Variants in LRRC46 observed in about 807,000 individuals in gnomAD.
The protein encoded by LRRC46 is leucine-rich repeat-containing protein 46.
Under a neutral mutation model 28.0 loss-of-function variants are expected in LRRC46, and 20 were observed. The ratio of observed to expected loss-of-function variants is 0.71; its 90% CI spans 0.50 to 1.04. The LOEUF (loss-of-function observed/expected upper bound fraction) is 1.04. Ranked by LOEUF, LRRC46 falls within the 50% of genes least tolerant of loss-of-function variation. The pLI, the probability that LRRC46 is intolerant of heterozygous loss-of-function variation, is 0.00. For missense variants in LRRC46, 315 were observed against 390.1 expected (o/e 0.81, Z 1.62); for synonymous variants, 156 against 158.8 (o/e 0.98, Z 0.13).
chr17:47,833,639 A>T (rs745541243), intron 2 of LRRC46, among the ~76,000 whole-genome samples: 1 of 150,836 alleles, frequency 6.6e-6, no homozygotes, highest in African/African-American at 2.4e-5. Flanking sequence ...TTTAGTAGAG[A>T]TGGGGTTTCA....
At chr17:47,833,566 A>G (rs901219279) in intron 2 of LRRC46, among the ~76,000 whole-genome samples, 4 of 150,214 alleles carry the variant, frequency 2.7e-5, no homozygotes, top group African/African-American at 9.9e-5. Flanking sequence ...CTCCAGCCTC[A>G]GCCTCCCGAG....
In LRRC46 at chr17:47,836,915, C is replaced by A. The variant is rs746351087; in HGVS notation, c.761C>A (p.Pro254His). Reference protein sequence around the residue: ...MAGDSSPSATPAQGEETVPEA... With the variant: ...MAGDSSPSATHAQGEETVPEA... ...GGGGACAGCAGCCCTTCTGCCACTC[C>A]TGCGCAAGGGGAGGAGACAGTCCCT... is the stretch of plus-strand genomic sequence containing the variant. The change falls in exon 8 of 8, where the codon CCT becomes CAT. Residue 254 changes from proline (P) to histidine (H), a missense_variant. Coordinates refer to ENST00000269025, the MANE Select transcript of LRRC46 (RefSeq NM_033413.4). This position sits in a 1 kb window ranked among gnomAD's most constrained non-coding sequence, Gnocchi z 5.8. 6.2e-7 allele frequency: 1 copy of A among 1,613,948 alleles called. No homozygotes were observed. Among genetic ancestry groups the A allele is most frequent in the Non-Finnish European group, 8.5e-7 (1 of 1,179,978 alleles).
At position 47,835,438 on chromosome 17, in the gene LRRC46, G is replaced by C. The variant is rs1567953559; in HGVS notation, c.272+39G>C. 1.9e-6 allele frequency: 3 copies of C among 1,610,242 alleles called. No homozygotes were observed. In the African/African-American group the frequency reaches 4.0e-5, roughly 22 times the overall value. Reference sequence around the variant, plus strand: ...GGGCTCAGGCAGGGGAAGAGGGGTTGGGGGAACCTAGCCATATCCCAAAGA... The same window carrying C: ...GGGCTCAGGCAGGGGAAGAGGGGTTCGGGGAACCTAGCCATATCCCAAAGA... On this transcript the variant is annotated intron_variant, in intron 4 of 7. Transcript: ENST00000269025.
rs2033636916 is a variant in LRRC46 at position 47,831,814 on chromosome 17, G to A, written c.-176G>A. On this transcript the variant is annotated 5_prime_UTR_variant, in exon 1 of 8. Transcript: ENST00000269025. ...TCCAGACCCTTCACATCAATTTACT[G>A]TTTTCTTCGACCTCACCCCAGCAAT... 6 of 783,926 alleles carry A rather than the reference G, an allele frequency of 7.7e-6. No homozygotes were observed. The highest frequency in any genetic ancestry group is 1.2e-5 in the Non-Finnish European group (6 of 482,644). The allele number at this position is 783,926 out of a possible 1,614,324, so 48.6% of individuals were successfully genotyped here.
At position 47,836,745 on chromosome 17, in the gene LRRC46, C is replaced by T; in HGVS notation, c.596-5C>T. 1 of 1,613,008 alleles carries T rather than the reference C, an allele frequency of 6.2e-7. No homozygotes were observed. Among genetic ancestry groups the T allele is most frequent in the South Asian group, 1.1e-5 (1 of 91,034 alleles). On this transcript the variant is annotated splice_polypyrimidine_tract_variant and splice_region_variant and intron_variant, in intron 7 of 7. Coordinates refer to ENST00000269025, the MANE Select transcript of LRRC46 (RefSeq NM_033413.4). This position sits in a 1 kb window ranked among gnomAD's most constrained non-coding sequence, Gnocchi z 5.8. ...CCTGTACCCTCCACCCCCGGCCCCT[C>T]CCAGGCTTCCTCAAGGAGCTGGAGC...
chr17:47,837,059 A>C lies in LRRC46; in HGVS notation c.905A>C (p.Lys302Thr). The C allele has an allele frequency of 1.2e-6, 2 of 1,607,758 alleles. No homozygotes were observed. Among genetic ancestry groups the C allele is most frequent in the Non-Finnish European group, 1.7e-6 (2 of 1,178,502 alleles). Residue 302 changes from lysine (K) to threonine (T), a missense_variant, in exon 8 of 8, where the codon AAG becomes ACG. By Grantham distance (78) the Lys-to-Thr change is moderately conservative (BLOSUM62 -1). Coordinates refer to ENST00000269025, the MANE Select transcript of LRRC46 (RefSeq NM_033413.4). ...RKGARAATAP[K>T]ASVAEAPSTT... is the part of the protein sequence containing the mutation. ...GGGGCACGAGCAGCCACAGCCCCCA[A>C]GGCCTCTGTGGCTGAGGCCCCCAGC...
chr17:47,834,936 C>T (rs11079797), intron 3 of LRRC46: 47,520 of 222,672 alleles, frequency 0.21, 6,650 homozygotes, highest in African/African-American at 0.44. Flanking sequence ...TTCAGCCTTC[C>T]CCTGGTTGAG....
At position 47,836,230 on chromosome 17, in the gene LRRC46, C is replaced by T; in HGVS notation, c.453-103C>T. Reference sequence around the variant, plus strand: ...CTTCTCCCCCACCTCCTACCTAGCTCATGAGCCACCACCCCTCCGGGTGTG... The same window carrying T: ...CTTCTCCCCCACCTCCTACCTAGCTTATGAGCCACCACCCCTCCGGGTGTG... On this transcript the variant is annotated intron_variant, in intron 6 of 7. Coordinates refer to ENST00000269025, the MANE Select transcript of LRRC46 (RefSeq NM_033413.4). This position sits in a 1 kb window ranked among gnomAD's most constrained non-coding sequence, Gnocchi z 5.8. The T allele has an allele frequency of 6.3e-7, 1 of 1,583,082 alleles. No homozygotes were observed. Among genetic ancestry groups the T allele is most frequent in the South Asian group, 1.1e-5 (1 of 88,672 alleles).
chr17:47,835,947 G>A, intron 5 of LRRC46, 86 bp from the exon 6 acceptor site: 2 of 1,483,246 alleles, frequency 1.3e-6, no homozygotes, highest in Non-Finnish European at 1.9e-6. Flanking sequence ...TAGAAAGTGG[G>A]TATGAGAACC....
Position 47,836,787 on chromosome 17 carries a change from C to T in LRRC46, c.633C>T (p.His211=). The T allele has an allele frequency of 6.2e-7, 1 of 1,613,868 alleles. No individual in the cohort carries two copies. Among genetic ancestry groups the T allele is most frequent in the East Asian group, 2.2e-5 (1 of 44,878 alleles). ...LKELEQELSR[H]REHRQQTALT... ...AGCTGGAGCAGGAGCTGAGCAGGCA[C>T]AGGGAGCACCGGCAACAGACGGCCC... Residue 211 remains histidine (H), a synonymous_variant, in exon 8 of 8, where the codon CAC becomes CAT. Transcript: ENST00000269025. This position sits in a 1 kb window ranked among gnomAD's most constrained non-coding sequence, Gnocchi z 5.8.
chr17:47,834,809 G>A (rs759982070), intron 3 of LRRC46: 6 of 300,704 alleles, frequency 2.0e-5, no homozygotes, highest in Non-Finnish European at 2.5e-5. Flanking sequence ...AATCTTTCAC[G>A]TTAAATAGCT....
In LRRC46 at chr17:47,837,027, A is replaced by C. The variant is rs772238844; in HGVS notation, c.873A>C (p.Gly291=). Residue 291 remains glycine (G), a synonymous_variant, in exon 8 of 8, where the codon GGA becomes GGC. Transcript: ENST00000269025. The stretch of plus-strand genomic sequence containing the variant: ...GGGGCCACCAAAGCTCTTTCTGGGG[A>C]AGGAAGGGGGCACGAGCAGCCACAG... ...IPRGHQSSFW[G]RKGARAATAP... 6.2e-7 allele frequency: 1 copy of C among 1,611,034 alleles called. No homozygotes were observed. The highest frequency in any genetic ancestry group is 2.2e-5 in the East Asian group (1 of 44,830).
intron 2 of LRRC46, among the ~76,000 whole-genome samples, chr17:47,833,327 ATTCTTTCT>A (rs368178077): frequency 6.7e-5 from 10 of 149,850 alleles, no homozygotes; most frequent in African/African-American, 9.9e-5. Flanking sequence ...GTTTGGCCTT[ATTCTTTCT>A]TTCTTTCTTT....
chr17:47,835,143 C>G (rs563849865), intron 3 of LRRC46: 3 of 615,786 alleles, frequency 4.9e-6, no homozygotes, highest in Non-Finnish European at 8.8e-6. Context: ...GGTTTAGATA[C>G]CCCAGGTTTA....
Position 47,837,050 on chromosome 17 carries a change from C to T in LRRC46, c.896C>T (p.Thr299Ile). 6.2e-7 allele frequency: 1 copy of T among 1,609,966 alleles called. No individual in the cohort carries two copies. Among genetic ancestry groups the T allele is most frequent in the Non-Finnish European group, 8.5e-7 (1 of 1,179,036 alleles). The change falls in exon 8 of 8, where the codon ACA becomes ATA. Residue 299 changes from threonine to isoleucine, a missense_variant. Transcript: ENST00000269025. Reference protein sequence around the residue: ...FWGRKGARAATAPKASVAEAP... With the variant: ...FWGRKGARAAIAPKASVAEAP... ...GGAAGGAAGGGGGCACGAGCAGCCA[C>T]AGCCCCCAAGGCCTCTGTGGCTGAG... is the stretch of plus-strand genomic sequence containing the variant.
Position 47,836,557 on chromosome 17 carries a change from G to A in LRRC46, c.595+82G>A. ...ACATGAGGGAAGCTAAGGTGGCAGT[G>A]GCGTCCGGGGAGGGGAGCCCCAAGT... On this transcript the variant is annotated intron_variant, in intron 7 of 7. Transcript: ENST00000269025. This position sits in a 1 kb window ranked among gnomAD's most constrained non-coding sequence, Gnocchi z 5.8. 2 of 1,559,804 alleles carry A rather than the reference G, an allele frequency of 1.3e-6. No individual in the cohort carries two copies. Among genetic ancestry groups the A allele is most frequent in the East Asian group, 4.5e-5 (2 of 44,140 alleles).
At position 47,836,135 on chromosome 17, in the gene LRRC46, G is replaced by C. The variant is rs2033692941; in HGVS notation, c.452+33G>C. On this transcript the variant is annotated intron_variant, in intron 6 of 7. Coordinates refer to ENST00000269025, the MANE Select transcript of LRRC46 (RefSeq NM_033413.4). The surrounding 1 kb of genome is among the most constrained non-coding windows in gnomAD (Gnocchi z 5.8). ...GTGGAGGGTGGGAAGAAAGGTCATG[G>C]CTGAGCTCTACCTGCTAACTCAGCC... The C allele has an allele frequency of 1.2e-6, 2 of 1,611,630 alleles. No homozygotes were observed. The highest frequency in any genetic ancestry group is 1.7e-6 in the Non-Finnish European group (2 of 1,177,806).
intron 2 of LRRC46, chr17:47,833,796 G>C (rs2033663904): frequency 4.6e-6 from 1 of 216,972 alleles, no homozygotes; most frequent in African/African-American, 2.4e-5. Context: ...TGTCACCCAG[G>C]CTGAAGTGCA....
At chr17:47,834,235 G>A (rs1276273593) in intron 2 of LRRC46, among the ~76,000 whole-genome samples, 190 bp from the exon 3 acceptor site, 1 of 152,088 alleles carries the variant, frequency 6.6e-6, no homozygotes, top group East Asian at 1.9e-4. Context: ...AGAGATACGA[G>A]TCTGCAAGTC....
Sources: allele counts gnomAD v4.1 joint callset (sites outside exome capture counted in the v4.1 genomes callset), GRCh38; gene constraint gnomAD v4.1.1; non-coding constraint Gnocchi (gnomAD v3.1); transcripts MANE v1.5; gene names NCBI Gene and HGNC (gene_info 2026-07-23, HGNC 2026-07-21).